Variants in MED12L observed in about 807,000 individuals in gnomAD.
The protein encoded by MED12L is mediator complex subunit 12L, also known as mediator of RNA polymerase II transcription subunit 12-like protein.
MED12L carries 60 observed loss-of-function variants against 281.3 expected under a neutral mutation model. The observed-to-expected ratio is 0.21, with a 90% CI of 0.17 to 0.26. The LOEUF (loss-of-function observed/expected upper bound fraction) is 0.26, where lower values mean the gene tolerates loss of function less well. Among genes scored for constraint, MED12L ranks in the 10% least tolerant of loss-of-function variants. The pLI is 1.00. For synonymous variants in MED12L, 974 were observed against 987.2 expected (o/e 0.99, Z 0.25); for missense variants, 2,146 against 2,680.9 (o/e 0.80, Z 4.41).
At chr3:151,246,169 A>C (rs1441452586) in intron 16 of MED12L, among the ~76,000 whole-genome samples, 38 of 152,304 alleles carry the variant, frequency 2.5e-4, no homozygotes, top group Admixed American at 5.2e-4. Flanking sequence ...TAGGAAGAAT[A>C]AATATCGTGA....
intron 2 of MED12L, among the ~76,000 whole-genome samples, chr3:151,097,765 A>G (rs937180450): frequency 4.6e-5 from 7 of 152,162 alleles, no homozygotes; most frequent in African/African-American, 1.7e-4. Context: ...ATGTTCACCA[A>G]TGCACCAAAC....
intron 16 of MED12L, chr3:151,199,167 C>T (rs755704657): frequency 1.3e-5 from 21 of 1,614,044 alleles, no homozygotes; most frequent in Non-Finnish European, 1.6e-5. Flanking sequence ...ACACCCAAGT[C>T]AACAACAATT....
intron 39 of MED12L, among the ~76,000 whole-genome samples, chr3:151,402,344 C>A (rs1001222436): frequency 2.0e-5 from 3 of 152,106 alleles, no homozygotes; most frequent in Admixed American, 6.6e-5. Context: ...GTTGACTTTT[C>A]CTAAATCAGA....
At chr3:151,286,735 T>A (rs896224179) in intron 16 of MED12L, among the ~76,000 whole-genome samples, 6 of 152,244 alleles carry the variant, frequency 3.9e-5, no homozygotes, top group African/African-American at 1.2e-4. Context: ...CTTGTTTGCC[T>A]ACACAGTCCC....
chr3:151,188,242 A>C, intron 12 of MED12L, 112 bp from the exon 13 acceptor site: 2 of 743,608 alleles, frequency 2.7e-6, no homozygotes, highest in Non-Finnish European at 2.2e-6. Context: ...CATATCAATT[A>C]ATTTTACATG....
intron 16 of MED12L, among the ~76,000 whole-genome samples, chr3:151,297,471 G>A (rs1745258943): frequency 1.3e-5 from 2 of 152,192 alleles, no homozygotes; most frequent in Non-Finnish European, 2.9e-5. Flanking sequence ...GGGTCCAGCT[G>A]AGGGACACAG....
intron 16 of MED12L, among the ~76,000 whole-genome samples, chr3:151,222,972 T>C (rs1347292452): frequency 6.6e-6 from 1 of 152,212 alleles, no homozygotes; most frequent in Non-Finnish European, 1.5e-5. Context: ...ATTGGTATTT[T>C]ATACCTATTT....
intron 16 of MED12L, chr3:151,329,690 G>A: frequency 2.1e-6 from 1 of 484,678 alleles, no homozygotes. Flanking sequence ...CTTTCATACT[G>A]TTAATCTGTG....
chr3:151,273,808 G>A (rs1433725137), intron 16 of MED12L, among the ~76,000 whole-genome samples: 2 of 152,110 alleles, frequency 1.3e-5, no homozygotes, highest in African/African-American at 4.8e-5. Context: ...TTCTTAATTG[G>A]GGTAGGAGTG....
At chr3:151,410,003 A>G (rs531924402) in intron 40 of MED12L, among the ~76,000 whole-genome samples, 2 of 152,318 alleles carry the variant, frequency 1.3e-5, no homozygotes, top group Admixed American at 6.5e-5. Context: ...AGCATCAATG[A>G]GGAATCATGG....
intron 21 of MED12L, 55 bp from the exon 22 acceptor site, chr3:151,364,924 T>G: frequency 8.1e-7 from 1 of 1,237,310 alleles, no homozygotes; most frequent in Non-Finnish European, 1.2e-6. Flanking sequence ...TGAAATAGTT[T>G]TCTAGTTATT....
At chr3:151,352,170 T>C (rs1346214514) in intron 17 of MED12L, among the ~76,000 whole-genome samples, 1 of 152,232 alleles carries the variant, frequency 6.6e-6, no homozygotes, top group Non-Finnish European at 1.5e-5. Context: ...TTGGGGATGC[T>C]TAATAAACTG....
At position 151,360,708 on chromosome 3, in the gene MED12L, A is replaced by G. The variant is rs530879247; in HGVS notation, c.2957+103A>G. On this transcript the variant is annotated intron_variant, in intron 21 of 44. Coordinates refer to ENST00000687756, the MANE Select transcript of MED12L (RefSeq NM_001393769.1). ...TTTTGAATAATGAAAGCTAATTGCA[A>G]TTGTATCTATTAGGCAGTAATTTTG... The G allele has an allele frequency of 1.0e-3, 1,118 of 1,076,132 alleles. 7 individuals carry two copies. The highest frequency in any genetic ancestry group is 1.2e-3 in the Non-Finnish European group (892 of 739,570). 66.7% of individuals were successfully genotyped at this position (1,076,132 alleles called of 1,614,324 possible).
chr3:151,271,264 G>A (rs1288907814), intron 16 of MED12L, among the ~76,000 whole-genome samples: 2 of 152,136 alleles, frequency 1.3e-5, no homozygotes, highest in South Asian at 4.1e-4. Flanking sequence ...CACATGAAAA[G>A]ATTCTCAGCC....
intron 21 of MED12L, among the ~76,000 whole-genome samples, chr3:151,361,643 G>T (rs1754625710): frequency 6.6e-6 from 1 of 152,094 alleles, no homozygotes; most frequent in South Asian, 2.1e-4. Flanking sequence ...CTCTTATCCA[G>T]AATTTGTATT....
At chr3:151,239,139 A>C (rs1733547853) in intron 16 of MED12L, among the ~76,000 whole-genome samples, 1 of 152,248 alleles carries the variant, frequency 6.6e-6, no homozygotes, top group South Asian at 2.1e-4. Context: ...GTAGAATGAA[A>C]AGTGTTTATA....
chr3:151,333,302 G>C (rs1750562570), intron 16 of MED12L, among the ~76,000 whole-genome samples: 1 of 152,178 alleles, frequency 6.6e-6, no homozygotes, highest in African/African-American at 2.4e-5. Flanking sequence ...TCTGTTTTAA[G>C]TCCTTTGAGA....
At chr3:151,126,086 T>C (rs1353726041) in intron 4 of MED12L, among the ~76,000 whole-genome samples, 1 of 151,288 alleles carries the variant, frequency 6.6e-6, no homozygotes, top group Non-Finnish European at 1.5e-5. Context: ...TCTTGCTGTA[T>C]TGCCCAGACT....
intron 5 of MED12L, among the ~76,000 whole-genome samples, chr3:151,151,031 C>CTTTTTTTTTTTTCTTTTTTTTTTTTT (rs1718406818): frequency 3.0e-5 from 1 of 32,880 alleles, no homozygotes; most frequent in African/African-American, 1.2e-4. Context: ...GCTGAAGTAG[C>CTTTTTTTTTTTTCTTTTTTTTTTTTT]TTTTTTTTTT....
Sources: gnomAD v4.1 joint callset for allele counts (sites outside exome capture counted in the v4.1 genomes callset) on GRCh38, gnomAD v4.1.1 for gene constraint, MANE v1.5 for transcripts, NCBI Gene and HGNC (gene_info 2026-07-23, HGNC 2026-07-21) for gene names.